The following CNTN5 variants were observed in gnomAD, a reference collection of about 807,000 sequenced individuals.
The protein encoded by CNTN5 is contactin-5.
Under a neutral mutation model 129.1 loss-of-function variants are expected in CNTN5, and 77 were observed. The ratio of observed to expected loss-of-function variants is 0.60; its 90% CI spans 0.50 to 0.72. The LOEUF (loss-of-function observed/expected upper bound fraction) is 0.72, where lower values mean the gene tolerates loss of function less well. CNTN5 is among the 30% of genes least tolerant of loss of function. The pLI, the probability that CNTN5 is intolerant of heterozygous loss-of-function variation, is 0.00. For missense variants in CNTN5, 1,478 were observed against 1,328.8 expected, an observed-to-expected ratio of 1.11 and a Z score of -1.75; for synonymous variants, 509 against 465.6, an observed-to-expected ratio of 1.09 and a Z score of -1.20.
intron 16 of CNTN5, among the ~76,000 whole-genome samples, chr11:100,254,385 C>A (rs1159297763): frequency 1.3e-5 from 2 of 152,056 alleles, no homozygotes; most frequent in Non-Finnish European, 2.9e-5. Context: ...TCAACGTTTC[C>A]CCTTACCATC....
At chr11:100,006,397 T>G (rs1940190377) in intron 9 of CNTN5, among the ~76,000 whole-genome samples, 1 of 152,126 alleles carries the variant, frequency 6.6e-6, no homozygotes. Flanking sequence ...TCTTTCAAAA[T>G]TGGAGTCAAT....
chr11:100,016,588 G>A (rs1294461263), intron 9 of CNTN5, among the ~76,000 whole-genome samples: 1 of 151,446 alleles, frequency 6.6e-6, no homozygotes, highest in East Asian at 1.9e-4. Context: ...TTTTGATTTG[G>A]TGCTTTTTAC....
intron 7 of CNTN5, among the ~76,000 whole-genome samples, chr11:99,955,600 C>A (rs1397769134): frequency 2.0e-5 from 3 of 152,058 alleles, no homozygotes; most frequent in Non-Finnish European, 2.9e-5. Flanking sequence ...TGCTCTGTTG[C>A]CCAGGCTGGA....
chr11:100,237,232 A>C (rs931585800), intron 16 of CNTN5, among the ~76,000 whole-genome samples: 2 of 151,920 alleles, frequency 1.3e-5, no homozygotes, highest in African/African-American at 4.8e-5. Context: ...TCAAGTTCCA[A>C]GTAGAAGTTA....
chr11:99,790,699 T>A (rs757673725), intron 3 of CNTN5, among the ~76,000 whole-genome samples: 2 of 152,146 alleles, frequency 1.3e-5, no homozygotes, highest in Non-Finnish European at 2.9e-5. Flanking sequence ...ATAATGGGAT[T>A]TCTAGGTCAC....
intron 3 of CNTN5, among the ~76,000 whole-genome samples, chr11:99,793,828 G>T (rs1010605003): frequency 1.3e-5 from 2 of 152,084 alleles, no homozygotes; most frequent in African/African-American, 4.8e-5. Flanking sequence ...GATTGTTTAT[G>T]AATTATTTTT....
intron 3 of CNTN5, among the ~76,000 whole-genome samples, chr11:99,816,368 C>A (rs1946586575): frequency 6.6e-6 from 1 of 152,240 alleles, no homozygotes; most frequent in Non-Finnish European, 1.5e-5. Context: ...CTCTGACGAA[C>A]CTGCGTCTTC....
At chr11:99,176,842 A>C (rs1259323416) in intron 1 of CNTN5, among the ~76,000 whole-genome samples, 2 of 152,056 alleles carry the variant, frequency 1.3e-5, no homozygotes, top group African/African-American at 4.8e-5. Context: ...CCCAAATCAG[A>C]TTCTGTCACT....
chr11:100,314,270 A>G (rs533593), intron 21 of CNTN5, among the ~76,000 whole-genome samples: 9,133 of 152,160 alleles, frequency 0.06, 373 homozygotes, highest in East Asian at 0.24. Context: ...ACATCTGAAT[A>G]TATTTTTGCA....
At chr11:99,887,664 C>T (rs976054642) in intron 6 of CNTN5, among the ~76,000 whole-genome samples, 2 of 152,286 alleles carry the variant, frequency 1.3e-5, no homozygotes, top group African/African-American at 2.4e-5. Flanking sequence ...GGTCTGTGGC[C>T]GAAGGCCTGA....
intron 2 of CNTN5, among the ~76,000 whole-genome samples, chr11:99,363,882 A>G (rs1939283079): frequency 6.6e-6 from 1 of 152,162 alleles, no homozygotes; most frequent in Non-Finnish European, 1.5e-5. Context: ...CGCTATCACT[A>G]GTCCTGTTTT....
Position 100,203,178 on chromosome 11 carries a change from A to G in CNTN5, c.1884+9515A>G, listed in dbSNP as rs78118795. The stretch of plus-strand genomic sequence containing the variant: ...AGTTACTGAGAATTATTTGAAAAAC[A>G]TCTTAAAATATCCTACTACACTTGC... On this transcript the variant is annotated intron_variant, in intron 15 of 24. Transcript: ENST00000524871. Among the ~76,000 whole-genome samples the G allele has an allele frequency of 1.6e-3, 239 of 152,184 alleles. 2 individuals are homozygous for G. The East Asian group carries it at 0.031, about 20-fold the overall frequency.
chr11:99,608,643 C>A (rs2135722663), intron 3 of CNTN5, among the ~76,000 whole-genome samples: 1 of 152,168 alleles, frequency 6.6e-6, no homozygotes, highest in East Asian at 1.9e-4. Flanking sequence ...TAGAGAGACC[C>A]CAGATCAGAT....
chr11:99,802,635 G>C lies in CNTN5; in HGVS notation c.56-16909G>C, dbSNP rs77659759. ...AGGCCTGGAGGTCTGCCTGTGCATT[G>C]ACTGTAGAGGCCTTGCTGTGCCACA... On this transcript the variant is annotated intron_variant, in intron 3 of 24. Coordinates refer to ENST00000524871, the MANE Select transcript of CNTN5 (RefSeq NM_014361.4). Among the ~76,000 whole-genome samples the C allele has an allele frequency of 4.7e-3, 719 of 152,270 alleles. 9 individuals carry two copies. Among genetic ancestry groups the C allele is most frequent in the African/African-American group, 0.014 (576 of 41,544 alleles).
At chr11:99,170,663 A>AT (rs1336305212) in intron 1 of CNTN5, among the ~76,000 whole-genome samples, 3 of 152,178 alleles carry the variant, frequency 2.0e-5, no homozygotes, top group African/African-American at 7.2e-5. Flanking sequence ...GAACAGAAGC[A>AT]TTTTTTTGTT....
chr11:99,259,755 T>A (rs1211669636), intron 1 of CNTN5, among the ~76,000 whole-genome samples: 1 of 151,862 alleles, frequency 6.6e-6, no homozygotes, highest in Non-Finnish European at 1.5e-5. Context: ...TCTAGGAGTA[T>A]TGAATAAGAG....
At chr11:100,338,997 A>G (rs754787890) in intron 21 of CNTN5, among the ~76,000 whole-genome samples, 11 of 151,554 alleles carry the variant, frequency 7.3e-5, no homozygotes, top group Non-Finnish European at 1.6e-4. Flanking sequence ...CTGTCCATGG[A>G]TGGCTGTGTG....
chr11:100,106,002 T>C (rs565521455), intron 13 of CNTN5, among the ~76,000 whole-genome samples: 14 of 152,304 alleles, frequency 9.2e-5, no homozygotes, highest in Non-Finnish European at 1.9e-4. Context: ...ACTAGCTACC[T>C]TTAAAAGTTA....
chr11:99,953,460 C>G (rs1282636601), intron 7 of CNTN5, among the ~76,000 whole-genome samples: 2 of 152,104 alleles, frequency 1.3e-5, no homozygotes, highest in Non-Finnish European at 2.9e-5. Flanking sequence ...AGCGAAAATT[C>G]CAATATGTAG....
Sources: allele counts gnomAD v4.1 joint callset (sites outside exome capture counted in the v4.1 genomes callset), GRCh38; gene constraint gnomAD v4.1.1; transcripts MANE v1.5; gene names NCBI Gene and HGNC (gene_info 2026-07-23, HGNC 2026-07-21).